The following CPEB3 variants were observed in gnomAD, a reference collection of about 807,000 sequenced individuals.
CPEB3 encodes the protein cytoplasmic polyadenylation element-binding protein 3.
CPEB3 carries 20 observed loss-of-function variants against 67.2 expected under a neutral mutation model. That is an observed-to-expected ratio of 0.30 (90% CI 0.21 to 0.43). CPEB3 has a LOEUF of 0.43. Ranked by LOEUF, CPEB3 falls within the 20% of genes least tolerant of loss-of-function variation. The pLI is 1.00. For synonymous variants in CPEB3, 376 were observed against 393.1 expected, an observed-to-expected ratio of 0.96 and a Z score of 0.51; for missense variants, 746 against 968.6, an observed-to-expected ratio of 0.77 and a Z score of 3.05.
At chr10:92,199,830 T>A (rs1849429893) in intron 2 of CPEB3, among the ~76,000 whole-genome samples, 1 of 151,930 alleles carries the variant, frequency 6.6e-6, no homozygotes, top group African/African-American at 2.4e-5. Context: ...GCAATGAAAA[T>A]GCCTTATCTG....
At chr10:92,119,398 C>T (rs1283607607) in intron 6 of CPEB3, among the ~76,000 whole-genome samples, 1 of 152,062 alleles carries the variant, frequency 6.6e-6, no homozygotes, top group Non-Finnish European at 1.5e-5. Context: ...ATTTTTTGCC[C>T]ACAACTTGCC....
chr10:92,062,633 C>T (rs1842398242), intron 9 of CPEB3, among the ~76,000 whole-genome samples: 1 of 152,206 alleles, frequency 6.6e-6, no homozygotes, highest in South Asian at 2.1e-4. Context: ...TGCCATATCC[C>T]AGTCCCATCT....
intron 9 of CPEB3, among the ~76,000 whole-genome samples, chr10:92,064,049 G>C (rs972706138): frequency 6.6e-6 from 1 of 152,164 alleles, no homozygotes; most frequent in Non-Finnish European, 1.5e-5. Flanking sequence ...AGAAGATGTA[G>C]TTAAGCAGCA....
At position 92,275,845 on chromosome 10, in the gene CPEB3, CTTTTT is replaced by C. The variant is rs909549413; in HGVS notation, c.-12+15076_-12+15080del. Among the ~76,000 whole-genome samples the C allele has an allele frequency of 1.6e-3, 148 of 92,968 alleles. 1 individual carries two copies. The highest frequency in any genetic ancestry group is 7.5e-3 in the Middle Eastern group (1 of 134). The allele number at this position is 92,968 out of a possible 152,430, so 61.0% of individuals were successfully genotyped here. A position where few individuals can be genotyped will look rare whatever the true frequency, so the allele number is the denominator to read the frequency against. On this transcript the variant is annotated intron_variant, in intron 1 of 9. Transcript: ENST00000265997. ...GCATGTATCAGTACTTCATTCTTTTCTTTTTTTTTTTTTTTTTTTTTGAGACGAAG... is the reference window on the plus strand; with the variant it reads ...GCATGTATCAGTACTTCATTCTTTTCTTTTTTTTTTTTTTTTGAGACGAAG...
At chr10:92,230,109 T>C (rs1851198147) in intron 2 of CPEB3, among the ~76,000 whole-genome samples, 1 of 152,174 alleles carries the variant, frequency 6.6e-6, no homozygotes, top group Non-Finnish European at 1.5e-5. Flanking sequence ...ATACCACATG[T>C]AAAGATAAAG....
chr10:92,109,165 G>C (rs576658971), intron 7 of CPEB3, among the ~76,000 whole-genome samples: 1 of 152,100 alleles, frequency 6.6e-6, no homozygotes, highest in South Asian at 2.1e-4. Flanking sequence ...GCTCACTCCA[G>C]CTTCTCTCCA....
chr10:92,259,836 C>T (rs1395119539), intron 1 of CPEB3, among the ~76,000 whole-genome samples: 1 of 152,136 alleles, frequency 6.6e-6, no homozygotes, highest in Non-Finnish European at 1.5e-5. Context: ...GTGCTTGATA[C>T]AATGCTAGGT....
chr10:92,138,361 G>T, intron 6 of CPEB3: 3 of 202,040 alleles, frequency 1.5e-5, no homozygotes, highest in Middle Eastern at 2.7e-3. Flanking sequence ...CAATGTTGCT[G>T]ACCTCATCTG....
chr10:92,091,678 T>C (rs1843626291), intron 8 of CPEB3, 152 bp downstream of exon 8: 1 of 546,488 alleles, frequency 1.8e-6, no homozygotes, highest in Admixed American at 3.8e-5. Context: ...AGAAAACCTT[T>C]AATCCTGAAA....
intron 1 of CPEB3, among the ~76,000 whole-genome samples, chr10:92,244,283 G>A (rs927116945): frequency 4.6e-5 from 7 of 151,404 alleles, no homozygotes; most frequent in Non-Finnish European, 8.8e-5. Context: ...GGAGGTAGAG[G>A]TTGCAGTGAG....
At chr10:92,204,484 T>C (rs1469984957) in intron 2 of CPEB3, among the ~76,000 whole-genome samples, 2 of 152,180 alleles carry the variant, frequency 1.3e-5, no homozygotes, top group Non-Finnish European at 2.9e-5. Context: ...AGCTACAGAC[T>C]ATAGCTCTTC....
At chr10:92,107,084 G>A (rs1389465040) in intron 7 of CPEB3, among the ~76,000 whole-genome samples, 1 of 152,098 alleles carries the variant, frequency 6.6e-6, no homozygotes, top group Non-Finnish European at 1.5e-5. Flanking sequence ...TACAAACAGG[G>A]GGAGGAGGAA....
chr10:92,251,037 G>T (rs1388381318), intron 1 of CPEB3, among the ~76,000 whole-genome samples: 1 of 151,864 alleles, frequency 6.6e-6, no homozygotes, highest in African/African-American at 2.4e-5. Context: ...AGCCTATACT[G>T]TATTTTTACT....
Position 92,239,420 on chromosome 10 carries a change from G to C in CPEB3, c.931C>G (p.Pro311Ala). The C allele has an allele frequency of 1.2e-6, 2 of 1,603,654 alleles. No homozygotes were observed. The highest frequency in any genetic ancestry group is 1.7e-6 in the Non-Finnish European group (2 of 1,174,940). Reference sequence around the variant, plus strand: ...TCCATCCAGGACTTGGAAGTGAGAGGGGCCGCGCGAGGGAACTTGGGCGGC... The same window carrying C: ...TCCATCCAGGACTTGGAAGTGAGAGCGGCCGCGCGAGGGAACTTGGGCGGC... ...IAPPKFPRAA[P>A]LTSKSWMEDN... The change falls in exon 2 of 10, where the codon CCT becomes GCT. Residue 311 changes from proline (P) to alanine (A), a missense_variant. Pro to Ala is a conservative substitution (Grantham distance 27, BLOSUM62 -1). This residue lies in a region of CPEB3 where 643 missense variants were observed against 717.5 expected (regional missense o/e 0.90). Coordinates refer to ENST00000265997, the MANE Select transcript of CPEB3 (RefSeq NM_014912.5). The surrounding 1 kb of genome is among the most constrained non-coding windows in gnomAD (Gnocchi z 6.0).
intron 2 of CPEB3, among the ~76,000 whole-genome samples, chr10:92,203,552 G>A (rs1401555757): frequency 6.8e-6 from 1 of 146,752 alleles, no homozygotes; most frequent in African/African-American, 2.5e-5. Context: ...GGTGTAGCTG[G>A]GATTACAGGA....
At chr10:92,108,873 T>C (rs1329511036) in intron 7 of CPEB3, among the ~76,000 whole-genome samples, 1 of 152,186 alleles carries the variant, frequency 6.6e-6, no homozygotes, top group African/African-American at 2.4e-5. Flanking sequence ...AGTAATGGCA[T>C]TGTCACCACA....
intron 9 of CPEB3, among the ~76,000 whole-genome samples, chr10:92,069,987 G>A (rs776856273): frequency 1.3e-5 from 2 of 152,014 alleles, no homozygotes; most frequent in South Asian, 2.1e-4. Flanking sequence ...TGCCCTGTCC[G>A]AAACCCTCTG....
At chr10:92,110,360 C>T (rs1844675320) in intron 7 of CPEB3, among the ~76,000 whole-genome samples, 1 of 152,218 alleles carries the variant, frequency 6.6e-6, no homozygotes, top group Non-Finnish European at 1.5e-5. Context: ...CCCCTGCCAA[C>T]TTCCCACAGA....
intron 1 of CPEB3, among the ~76,000 whole-genome samples, chr10:92,269,648 C>G (rs962312874): frequency 6.6e-6 from 1 of 152,126 alleles, no homozygotes. Flanking sequence ...ACCTCTGCCT[C>G]CCAGGTTCAA....
Sources: gnomAD v4.1 joint callset for allele counts (sites outside exome capture counted in the v4.1 genomes callset) on GRCh38, gnomAD v4.1.1 for gene constraint, gnomAD v4.1.1 regional missense constraint, Gnocchi (gnomAD v3.1) non-coding constraint, MANE v1.5 for transcripts, NCBI Gene and HGNC (gene_info 2026-07-23, HGNC 2026-07-21) for gene names.